The following ADAM22 variants were observed in gnomAD, a reference collection of about 807,000 sequenced individuals.
ADAM22 encodes the protein ADAM metallopeptidase domain 22, also known as disintegrin and metalloproteinase domain-containing protein 22.
In ADAM22, 65 loss-of-function variants were observed where a neutral mutation model predicts 144.6. The ratio of observed to expected loss-of-function variants is 0.45; its 90% CI spans 0.37 to 0.55. The LOEUF is 0.55. Among genes scored for constraint, ADAM22 ranks in the 20% least tolerant of loss-of-function variants. The pLI is 0.00. For synonymous variants in ADAM22, 391 were observed against 412.6 expected, an observed-to-expected ratio of 0.95 and a Z score of 0.63; for missense variants, 974 against 1,184.9, an observed-to-expected ratio of 0.82 and a Z score of 2.61.
At chr7:88,110,963 G>C (rs191209636) in intron 5 of ADAM22, among the ~76,000 whole-genome samples, 2,488 of 144,840 alleles carry the variant, frequency 0.017, 30 homozygotes, top group South Asian at 0.034. Context: ...GGTTGGTCTC[G>C]AACTCCTGAC....
intron 3 of ADAM22, among the ~76,000 whole-genome samples, chr7:87,987,648 A>G (rs2129450892): frequency 6.6e-6 from 1 of 152,390 alleles, no homozygotes; most frequent in South Asian, 2.1e-4. Context: ...TTTGCAAGAT[A>G]AAAGATTCCA....
At chr7:88,113,108 C>G (rs958465560) in intron 5 of ADAM22, among the ~76,000 whole-genome samples, 3 of 150,086 alleles carry the variant, frequency 2.0e-5, no homozygotes, top group African/African-American at 7.4e-5. Flanking sequence ...TGCATCCCCC[C>G]TGCCTGCCCT....
chr7:88,121,690 C>T (rs1253077600), intron 7 of ADAM22, among the ~76,000 whole-genome samples: 1 of 152,060 alleles, frequency 6.6e-6, no homozygotes, highest in Non-Finnish European at 1.5e-5. Flanking sequence ...CTAACTTGTT[C>T]CAGGAGATAG....
intron 3 of ADAM22, among the ~76,000 whole-genome samples, chr7:88,058,627 A>G (rs1166285219): frequency 1.2e-4 from 19 of 152,240 alleles, no homozygotes; most frequent in Non-Finnish European, 2.8e-4. Flanking sequence ...TACATAGATT[A>G]GTACTTGCTT....
chr7:88,034,119 C>T (rs927843855), intron 3 of ADAM22, among the ~76,000 whole-genome samples: 10 of 152,106 alleles, frequency 6.6e-5, no homozygotes, highest in African/African-American at 2.2e-4. Flanking sequence ...AGATGGAGTC[C>T]CTCCTTGTGG....
At position 88,138,032 on chromosome 7, in the gene ADAM22, T is replaced by A. The variant is rs1246571713; in HGVS notation, c.1220+2001T>A. Reference sequence around the variant, plus strand: ...AACCAGTCGTGGTGGCACACACCTGTAGTCCCAGCTACTTGGGAGGCTGAG... The same window carrying A: ...AACCAGTCGTGGTGGCACACACCTGAAGTCCCAGCTACTTGGGAGGCTGAG... On this transcript the variant is annotated intron_variant, in intron 14 of 31. Transcript: ENST00000413139. 3.9e-5 allele frequency among the ~76,000 whole-genome samples: 6 copies of A among 152,054 alleles called. No homozygotes were observed. The East Asian group carries it at 1.2e-3, about 29-fold the overall frequency.
chr7:88,092,607 G>A (rs1233186275), intron 4 of ADAM22, among the ~76,000 whole-genome samples: 1 of 152,170 alleles, frequency 6.6e-6, no homozygotes, highest in Non-Finnish European at 1.5e-5. Context: ...TTTCAGGAAG[G>A]TCTCAGATTT....
intron 26 of ADAM22, among the ~76,000 whole-genome samples, chr7:88,176,142 T>C (rs1315476120): frequency 6.6e-6 from 1 of 152,032 alleles, no homozygotes; most frequent in East Asian, 1.9e-4. Context: ...CTGGCTAATT[T>C]TTTTGTATTT....
Position 88,200,910 on chromosome 7 carries a change from T to C in ADAM22, c.*4419T>C, listed in dbSNP as rs575755217. On this transcript the variant is annotated 3_prime_UTR_variant, in exon 32 of 32. Coordinates refer to ENST00000413139, the MANE Select transcript of ADAM22 (RefSeq NM_001324418.2). ...TAATATAATGAGGGGCCCAGTCTGC[T>C]CTTGTGAAAATTGGCTGAGCGGCAG... 6.6e-6 allele frequency: 1 copy of C among 152,340 alleles called. No homozygotes were observed. Among genetic ancestry groups the C allele is most frequent in the Non-Finnish European group, 1.5e-5 (1 of 68,044 alleles). 9.4% of individuals were successfully genotyped at this position (152,340 alleles called of 1,614,324 possible).
At chr7:88,104,547 T>C (rs1823844307) in intron 4 of ADAM22, among the ~76,000 whole-genome samples, 1 of 150,750 alleles carries the variant, frequency 6.6e-6, no homozygotes, top group Non-Finnish European at 1.5e-5. Flanking sequence ...ATTAAATTTA[T>C]ATTTAATAAT....
intron 5 of ADAM22, among the ~76,000 whole-genome samples, chr7:88,112,038 A>G (rs998120886): frequency 6.6e-6 from 1 of 152,202 alleles, no homozygotes; most frequent in African/African-American, 2.4e-5. Context: ...ATTTTGGCAA[A>G]CTATGATGGT....
intron 2 of ADAM22, among the ~76,000 whole-genome samples, chr7:87,945,661 T>C (rs1230438865): frequency 6.6e-6 from 1 of 151,834 alleles, no homozygotes; most frequent in African/African-American, 2.4e-5. Flanking sequence ...TACAGGCGCC[T>C]GCCACCGCAC....
chr7:87,949,192 C>T (rs1050774565), intron 2 of ADAM22, among the ~76,000 whole-genome samples: 3 of 152,114 alleles, frequency 2.0e-5, no homozygotes, highest in Non-Finnish European at 2.9e-5. Context: ...TTGGTATGGC[C>T]GGGCTCTCAA....
chr7:88,188,941 G>T (rs1848960804), intron 30 of ADAM22, among the ~76,000 whole-genome samples: 1 of 152,196 alleles, frequency 6.6e-6, no homozygotes. Context: ...CAATCCACCT[G>T]CCTCAGCCTC....
At chr7:87,955,060 C>T (rs1026974372) in intron 2 of ADAM22, among the ~76,000 whole-genome samples, 2 of 152,162 alleles carry the variant, frequency 1.3e-5, no homozygotes, top group African/African-American at 4.8e-5. Flanking sequence ...AAGTTTTCAA[C>T]TTCTTTGCCT....
At chr7:88,062,812 A>G (rs777350091) in intron 3 of ADAM22, among the ~76,000 whole-genome samples, 20 of 152,290 alleles carry the variant, frequency 1.3e-4, no homozygotes, top group Non-Finnish European at 2.6e-4. Context: ...TAATTGACCT[A>G]ATTTCCATAT....
At chr7:87,990,351 T>A (rs758522579) in intron 3 of ADAM22, among the ~76,000 whole-genome samples, 8 of 152,222 alleles carry the variant, frequency 5.3e-5, no homozygotes, top group Non-Finnish European at 1.2e-4. Flanking sequence ...TCATTTTATG[T>A]TTTTACATTG....
chr7:88,081,023 G>A (rs1342670500), intron 4 of ADAM22, among the ~76,000 whole-genome samples: 2 of 152,056 alleles, frequency 1.3e-5, no homozygotes, highest in South Asian at 2.1e-4. Context: ...CCAAAGCCTG[G>A]CAGAGACACA....
intron 30 of ADAM22, among the ~76,000 whole-genome samples, chr7:88,192,516 C>T (rs1038157358): frequency 3.3e-5 from 5 of 152,106 alleles, no homozygotes; most frequent in African/African-American, 1.2e-4. Context: ...TCTCATCAGA[C>T]TTTGTTTGGC....
Sources: allele counts gnomAD v4.1 joint callset (sites outside exome capture counted in the v4.1 genomes callset), GRCh38; gene constraint gnomAD v4.1.1; transcripts MANE v1.5; gene names NCBI Gene and HGNC (gene_info 2026-07-23, HGNC 2026-07-21).